GALNT14: variants seen among roughly 807,000 people sequenced by gnomAD.
The protein encoded by GALNT14 is polypeptide N-acetylgalactosaminyltransferase 14.
GALNT14 carries 60 observed loss-of-function variants against 77.5 expected under a neutral mutation model. The observed-to-expected ratio is 0.77, with a 90% CI of 0.63 to 0.96. The LOEUF (loss-of-function observed/expected upper bound fraction) is 0.96. Among genes scored for constraint, GALNT14 ranks in the 40% least tolerant of loss-of-function variants. GALNT14 has a pLI of 0.00. For synonymous variants in GALNT14, 280 were observed against 281.7 expected (o/e 0.99, Z 0.06); for missense variants, 710 against 731.0 (o/e 0.97, Z 0.33).
chr2:30,937,315 C>T (rs1165927424), intron 9 of GALNT14, among the ~76,000 whole-genome samples: 3 of 152,230 alleles, frequency 2.0e-5, no homozygotes, highest in Non-Finnish European at 2.9e-5. Context: ...GTGGGGCCTA[C>T]TACCATTTTC....
At chr2:30,967,890 T>C (rs1022196879) in intron 2 of GALNT14, among the ~76,000 whole-genome samples, 6 of 152,236 alleles carry the variant, frequency 3.9e-5, no homozygotes, top group Non-Finnish European at 1.5e-5. Context: ...CAGTCTTGTA[T>C]GCTGCCATGA....
At chr2:31,058,519 C>T (rs1371145768) in intron 1 of GALNT14, among the ~76,000 whole-genome samples, 9 of 152,234 alleles carry the variant, frequency 5.9e-5, no homozygotes, top group Non-Finnish European at 1.5e-5. Flanking sequence ...GGACTAAGGA[C>T]TCCAAGACCT....
chr2:30,916,928 T>C (rs1274883627), intron 13 of GALNT14, among the ~76,000 whole-genome samples: 2 of 151,378 alleles, frequency 1.3e-5, no homozygotes, highest in Non-Finnish European at 2.9e-5. Context: ...TATACAAAAA[T>C]TAGCCAGGTG....
chr2:30,886,931 T>C, the GALNT14 span, among the ~76,000 whole-genome samples: 1 of 152,254 alleles, frequency 6.6e-6, no homozygotes, highest in Non-Finnish European at 1.5e-5. Context: ...CCCTGGCAAC[T>C]GCCAGTTTGC....
intron 1 of GALNT14, among the ~76,000 whole-genome samples, chr2:31,012,413 C>T (rs1158751758): frequency 6.6e-6 from 1 of 152,176 alleles, no homozygotes; most frequent in Non-Finnish European, 1.5e-5. Flanking sequence ...GGGTCTCTTC[C>T]ACAAAACAGC....
intron 1 of GALNT14, among the ~76,000 whole-genome samples, chr2:31,029,157 A>G (rs56938648): frequency 0.031 from 4,741 of 152,296 alleles, 239 homozygotes; most frequent in African/African-American, 0.11. Context: ...ACAATTCATT[A>G]GTGGGGTGAC....
At chr2:31,059,223 A>G (rs369531237) in intron 1 of GALNT14, among the ~76,000 whole-genome samples, 70 of 152,224 alleles carry the variant, frequency 4.6e-4, no homozygotes, top group African/African-American at 1.7e-3. Flanking sequence ...TTGTGGCTCT[A>G]CCCTCCTTGC....
intron 1 of GALNT14, among the ~76,000 whole-genome samples, chr2:31,047,873 G>C (rs1673572770): frequency 6.6e-6 from 1 of 152,178 alleles, no homozygotes; most frequent in Non-Finnish European, 1.5e-5. Flanking sequence ...AACCACAAAG[G>C]GAATGACACA....
At chr2:30,887,373 CTA>C in the GALNT14 span, among the ~76,000 whole-genome samples, 4 of 152,114 alleles carry the variant, frequency 2.6e-5, no homozygotes, top group Admixed American at 6.5e-5. Flanking sequence ...CATATCCTTG[CTA>C]ATAATTATTT....
chr2:31,060,109 C>G (rs1307384230), intron 1 of GALNT14, among the ~76,000 whole-genome samples: 4 of 152,174 alleles, frequency 2.6e-5, no homozygotes, highest in Admixed American at 2.0e-4. Flanking sequence ...CTGTACTCGA[C>G]AGGTGAAGAG....
intron 9 of GALNT14, among the ~76,000 whole-genome samples, chr2:30,941,201 C>T (rs796671350): frequency 7.9e-5 from 12 of 152,322 alleles, no homozygotes; most frequent in African/African-American, 2.9e-4. Flanking sequence ...AGGGAAGGGT[C>T]CTGACACTTT....
chr2:31,053,194 C>G (rs1472251846), intron 1 of GALNT14, among the ~76,000 whole-genome samples: 5 of 152,176 alleles, frequency 3.3e-5, no homozygotes, highest in African/African-American at 4.8e-5. Context: ...TTCTTCAAGG[C>G]CCGGGACCTG....
chr2:30,926,551 T>C (rs930064063), intron 11 of GALNT14, among the ~76,000 whole-genome samples: 14 of 152,166 alleles, frequency 9.2e-5, no homozygotes, highest in Admixed American at 8.5e-4. Context: ...ATCAGCAGCA[T>C]AGATATAGTG....
At chr2:31,038,382 C>T (rs1672896148) in intron 1 of GALNT14, among the ~76,000 whole-genome samples, 1 of 151,958 alleles carries the variant, frequency 6.6e-6, no homozygotes, top group Non-Finnish European at 1.5e-5. Flanking sequence ...GTGTGAGCCA[C>T]CGCACCCAGC....
chr2:31,115,950 G>T (rs1225322680), intron 1 of GALNT14, among the ~76,000 whole-genome samples: 1 of 152,182 alleles, frequency 6.6e-6, no homozygotes, highest in Non-Finnish European at 1.5e-5. Flanking sequence ...GGGCCCAGGA[G>T]TTTGAAGCTA....
chr2:30,925,697 G>A (rs1332724965), intron 11 of GALNT14, among the ~76,000 whole-genome samples: 1 of 152,220 alleles, frequency 6.6e-6, no homozygotes, highest in Non-Finnish European at 1.5e-5. Flanking sequence ...TGAGTTGAAA[G>A]CAAAGACAGA....
At chr2:31,072,854 T>C (rs923108634) in intron 1 of GALNT14, among the ~76,000 whole-genome samples, 1 of 152,234 alleles carries the variant, frequency 6.6e-6, no homozygotes, top group Non-Finnish European at 1.5e-5. Context: ...TTGCTGATTG[T>C]CTACTTGTGC....
intron 2 of GALNT14, among the ~76,000 whole-genome samples, chr2:30,968,864 T>C (rs564309099): frequency 2.0e-5 from 3 of 152,300 alleles, no homozygotes; most frequent in African/African-American, 7.2e-5. Flanking sequence ...AGAAGAGACC[T>C]TGGCCTTGCT....
intron 11 of GALNT14, 100 bp downstream of exon 11, chr2:30,929,295 G>C (rs1482970759): frequency 1.2e-6 from 1 of 810,418 alleles, no homozygotes; most frequent in Non-Finnish European, 2.0e-6. Context: ...GGGAGCTGAG[G>C]GTAGCTAAGC....
Sources: allele counts gnomAD v4.1 joint callset (sites outside exome capture counted in the v4.1 genomes callset), GRCh38; gene constraint gnomAD v4.1.1; transcripts MANE v1.5; gene names NCBI Gene and HGNC (gene_info 2026-07-23, HGNC 2026-07-21).